Variants in TF observed in about 807,000 individuals in gnomAD.
The protein encoded by TF is serotransferrin.
Under a neutral mutation model 82.4 loss-of-function variants are expected in TF, and 55 were observed. That is an observed-to-expected ratio of 0.67 (90% CI 0.54 to 0.84). The LOEUF is 0.84. Among genes scored for constraint, TF ranks in the 40% least tolerant of loss-of-function variants. The pLI is 0.00. For synonymous variants in TF, 332 were observed against 332.6 expected, an observed-to-expected ratio of 1.00 and a Z score of 0.02; for missense variants, 737 against 868.4, an observed-to-expected ratio of 0.85 and a Z score of 1.90.
chr3:133,740,405 C>A, the TF span, among the ~76,000 whole-genome samples: 1 of 152,088 alleles, frequency 6.6e-6, no homozygotes, highest in Non-Finnish European at 1.5e-5. Context: ...CTCACTGCAA[C>A]CTCTGCCTCC....
chr3:133,754,712 C>G (rs1211721052), intron 4 of TF, 41 bp downstream of exon 4: 4 of 1,606,638 alleles, frequency 2.5e-6, no homozygotes, highest in South Asian at 2.2e-5. Context: ...GCAGCTGCCT[C>G]TGCTCCAGAT....
At chr3:133,687,884 G>A in the TF span, among the ~76,000 whole-genome samples, 1 of 152,200 alleles carries the variant, frequency 6.6e-6, no homozygotes, top group Admixed American at 6.5e-5. Context: ...TAGTGCTGCT[G>A]TGAACATTCG....
At position 133,766,400 on chromosome 3, in the gene TF, C is replaced by T; in HGVS notation, c.1453C>T (p.Leu485=). Reference sequence around the variant, plus strand: ...CGCTGGCTGGAACATCCCCATGGGCCTGCTCTACAATAAGATCAACCACTG... The same window carrying T: ...CGCTGGCTGGAACATCCCCATGGGCTTGCTCTACAATAAGATCAACCACTG... The part of the protein sequence containing the change: ...RTAGWNIPMG[L]LYNKINHCRF... Residue 485 remains leucine, a synonymous_variant, in exon 12 of 17, where the codon CTG becomes TTG. Coordinates refer to ENST00000402696, the MANE Select transcript of TF (RefSeq NM_001063.4). 6.2e-7 allele frequency: 1 copy of T among 1,614,192 alleles called. No individual in the cohort carries two copies. The highest frequency in any genetic ancestry group is 8.5e-7 in the Non-Finnish European group (1 of 1,180,022).
the TF span, among the ~76,000 whole-genome samples, chr3:133,725,281 A>T: frequency 1.2e-4 from 19 of 152,062 alleles, no homozygotes; most frequent in African/African-American, 3.4e-4. Context: ...ATTCTTCCTA[A>T]CCATGAGCAT....
intron 10 of TF, 53 bp from the exon 11 acceptor site, chr3:133,764,822 C>T: frequency 6.4e-7 from 1 of 1,574,212 alleles, no homozygotes; most frequent in South Asian, 1.1e-5. Flanking sequence ...GGCATGGTTT[C>T]CCAATCTATA....
chr3:133,735,827 T>G, the TF span, among the ~76,000 whole-genome samples: 1 of 152,162 alleles, frequency 6.6e-6, no homozygotes, highest in South Asian at 2.1e-4. Flanking sequence ...AACCTACATT[T>G]GATTTGTGTA....
chr3:133,676,797 C>G, the TF span, among the ~76,000 whole-genome samples: 1 of 152,220 alleles, frequency 6.6e-6, no homozygotes, highest in Non-Finnish European at 1.5e-5. Flanking sequence ...TGCTATTCTT[C>G]CTCTGTCTCT....
At chr3:133,676,957 T>C in the TF span, among the ~76,000 whole-genome samples, 1 of 152,236 alleles carries the variant, frequency 6.6e-6, no homozygotes, top group Non-Finnish European at 1.5e-5. Context: ...TGGGATACGC[T>C]TTCTTCAAAG....
chr3:133,746,602 G>C, intron 1 of TF, 119 bp downstream of exon 1: 1 of 1,230,244 alleles, frequency 8.1e-7, no homozygotes, highest in Non-Finnish European at 1.1e-6. Flanking sequence ...TGGGTGTCTG[G>C]GTGCCTTTCC....
At chr3:133,726,498 G>A in the TF span, among the ~76,000 whole-genome samples, 1 of 152,166 alleles carries the variant, frequency 6.6e-6, no homozygotes. Context: ...GGGATTGGTG[G>A]TGATATCCCC....
intron 11 of TF, among the ~76,000 whole-genome samples, chr3:133,765,633 T>C (rs1934109324): frequency 6.6e-6 from 1 of 152,206 alleles, no homozygotes; most frequent in Non-Finnish European, 1.5e-5. Flanking sequence ...CTTCAGCAGA[T>C]ATAGAAAAAG....
At chr3:133,724,798 G>T in the TF span, among the ~76,000 whole-genome samples, 81 of 152,216 alleles carry the variant, frequency 5.3e-4, 1 homozygote, top group African/African-American at 1.8e-3. Flanking sequence ...GGTCTAACAT[G>T]TAAGTCTTTA....
the TF span, among the ~76,000 whole-genome samples, chr3:133,729,655 G>A: frequency 0.38 from 58,452 of 151,952 alleles, 11,810 homozygotes; most frequent in South Asian, 0.5. Flanking sequence ...TGCACAGTGC[G>A]CTGCACCCAG....
At chr3:133,735,522 T>G in the TF span, among the ~76,000 whole-genome samples, 1 of 151,998 alleles carries the variant, frequency 6.6e-6, no homozygotes, top group African/African-American at 2.4e-5. Context: ...TAAAGGAGCA[T>G]GTTCTAACCC....
At chr3:133,777,423 A>AG in intron 16 of TF, 185 bp downstream of exon 16, 1 of 611,518 alleles carries the variant, frequency 1.6e-6, no homozygotes, top group Non-Finnish European at 2.9e-6. Context: ...GCAGATAGTA[A>AG]GGGGATACAG....
In TF at chr3:133,766,395, T is replaced by C. The variant is rs537757997; in HGVS notation, c.1448T>C (p.Met483Thr). The C allele has an allele frequency of 1.2e-6, 2 of 1,614,192 alleles. No homozygotes were observed. Among genetic ancestry groups the C allele is most frequent in the South Asian group, 2.2e-5 (2 of 91,080 alleles). The change falls in exon 12 of 17, where the codon ATG (methionine) becomes ACG (threonine). Residue 483 changes from methionine to threonine, a missense_variant. Met to Thr is a moderately conservative substitution (Grantham distance 81). Transcript: ENST00000402696. Reference sequence around the variant, plus strand: ...AGAACCGCTGGCTGGAACATCCCCATGGGCCTGCTCTACAATAAGATCAAC... The same window carrying C: ...AGAACCGCTGGCTGGAACATCCCCACGGGCCTGCTCTACAATAAGATCAAC... The part of the protein sequence containing the change: ...VGRTAGWNIP[M>T]GLLYNKINHC...
chr3:133,704,607 G>T, the TF span, among the ~76,000 whole-genome samples: 3 of 152,204 alleles, frequency 2.0e-5, no homozygotes, highest in Non-Finnish European at 4.4e-5. Flanking sequence ...TTACCTTAAA[G>T]TTGCCCACTA....
At chr3:133,697,386 G>T in the TF span, among the ~76,000 whole-genome samples, 4 of 152,192 alleles carry the variant, frequency 2.6e-5, no homozygotes, top group East Asian at 1.9e-4. Context: ...GTCTCATCAA[G>T]TTGTTTCAAA....
chr3:133,759,684 G>T (rs987572879), intron 9 of TF, among the ~76,000 whole-genome samples: 33 of 152,254 alleles, frequency 2.2e-4, no homozygotes, highest in African/African-American at 7.7e-4. Context: ...GTACAAATTT[G>T]CTTTGTTGAT....
Sources: gnomAD v4.1 joint callset for allele counts (sites outside exome capture counted in the v4.1 genomes callset) on GRCh38, gnomAD v4.1.1 for gene constraint, MANE v1.5 for transcripts, NCBI Gene and HGNC (gene_info 2026-07-23, HGNC 2026-07-21) for gene names.